CTBP2: variants seen among roughly 807,000 people sequenced by gnomAD.
CTBP2 encodes the protein C-terminal binding protein 2, also known as C-terminal-binding protein 2.
A neutral mutation model predicts 80.3 loss-of-function variants in CTBP2; 30 were observed. The observed-to-expected ratio is 0.37, with a 90% confidence interval of 0.28 to 0.51. The LOEUF (loss-of-function observed/expected upper bound fraction) is 0.51. Ranked by LOEUF, CTBP2 falls within the 20% of genes least tolerant of loss-of-function variation. The probability of loss-of-function intolerance (pLI) is 0.93; values close to 1 mark genes in which losing one functional copy is unlikely to be tolerated. For missense variants in CTBP2, 1,212 were observed against 1,375.3 expected (o/e 0.88, Z 1.88); for synonymous variants, 594 against 587.4 (o/e 1.01, Z -0.16).
intron 1 of CTBP2, among the ~76,000 whole-genome samples, chr10:125,134,494 C>T (rs1281283420): frequency 2.0e-5 from 3 of 152,200 alleles, no homozygotes; most frequent in Non-Finnish European, 4.4e-5. Flanking sequence ...AGTTCTTGTT[C>T]TGAACCCCAG....
In CTBP2 at chr10:124,984,405, C is replaced by T. The variant is rs566938758; in HGVS notation, c.*5113G>A. On this transcript the variant is annotated 3_prime_UTR_variant, in exon 9 of 9. Transcript: ENST00000309035. ...ACATGAAGAAAAAAAGTTCATAGAC[C>T]GTAACTTGTATAATTTCAGCTTGTA... The T allele has an allele frequency of 1.8e-4, 33 of 185,496 alleles. No homozygotes were observed. The highest frequency in any genetic ancestry group is 3.4e-4 in the Non-Finnish European group (31 of 90,604). 11.5% of individuals were successfully genotyped at this position (185,496 alleles called of 1,614,324 possible). A position where few individuals can be genotyped will look rare whatever the true frequency, so the allele number is the denominator to read the frequency against.
At chr10:125,098,672 GA>G (rs1246548108) in intron 2 of CTBP2, among the ~76,000 whole-genome samples, 30 of 110,290 alleles carry the variant, frequency 2.7e-4, no homozygotes, top group African/African-American at 1.0e-3. Flanking sequence ...GAGAGAGAGA[GA>G]GAGAGAGAGA....
intron 6 of CTBP2, 75 bp downstream of exon 8, chr10:124,993,780 C>T (rs1008957805): frequency 1.9e-5 from 29 of 1,523,104 alleles, no homozygotes; most frequent in Middle Eastern, 2.5e-4. Flanking sequence ...AAAAGGGCCT[C>T]GAGTTCAAAG....
chr10:124,990,717 T>C (rs1268697229), intron 8 of CTBP2, among the ~76,000 whole-genome samples: 1 of 152,142 alleles, frequency 6.6e-6, no homozygotes. Context: ...CCTTAAGAGG[T>C]AGAGCCCTTG....
chr10:125,148,703 A>G (rs534365804), intron 1 of CTBP2, among the ~76,000 whole-genome samples: 1 of 152,292 alleles, frequency 6.6e-6, no homozygotes, highest in African/African-American at 2.4e-5. Context: ...TCCTTTGCCC[A>G]CTATTTGGAG....
chr10:125,072,907 A>C (rs900691992), intron 2 of CTBP2, among the ~76,000 whole-genome samples: 1 of 152,170 alleles, frequency 6.6e-6, no homozygotes, highest in African/African-American at 2.4e-5. Flanking sequence ...CAAGGCCCCA[A>C]ATCACTAACA....
intron 2 of CTBP2, among the ~76,000 whole-genome samples, chr10:125,093,700 G>A (rs1425099962): frequency 6.6e-6 from 1 of 152,156 alleles, no homozygotes; most frequent in South Asian, 2.1e-4. Context: ...CAAAGCCCAC[G>A]GCATCTGCCA....
chr10:125,142,507 G>A (rs1043836519), intron 1 of CTBP2, among the ~76,000 whole-genome samples: 1 of 152,198 alleles, frequency 6.6e-6, no homozygotes, highest in African/African-American at 2.4e-5. Context: ...CTCCATAGGA[G>A]CACAGAGAAC....
intron 1 of CTBP2, among the ~76,000 whole-genome samples, chr10:125,141,030 C>G (rs534845451): frequency 6.6e-6 from 1 of 151,166 alleles, no homozygotes; most frequent in Non-Finnish European, 1.5e-5. Context: ...CCCGGCTACT[C>G]GGGAGGCTGA....
At chr10:125,137,518 A>C (rs1202089385) in intron 1 of CTBP2, among the ~76,000 whole-genome samples, 1 of 152,230 alleles carries the variant, frequency 6.6e-6, no homozygotes, top group Non-Finnish European at 1.5e-5. Context: ...GGAGCCAAAA[A>C]CAAAACAAAA....
Position 125,027,633 on chromosome 10 carries a change from A to T in CTBP2, c.127T>A (p.Tyr43Asn). Residue 43 changes from tyrosine to asparagine, a missense_variant, in exon 1 of 9, where the codon TAT (tyrosine) becomes AAT (asparagine). Coordinates refer to ENST00000309035, the MANE Select transcript of CTBP2 (RefSeq NM_022802.3). ...AACCAAGTCCCCTCTGCTGTGCCAT[A>T]CGTCAGGGAGCTTCTCCTCCCCAGA... 1 of 1,613,966 alleles carries T rather than the reference A, an allele frequency of 6.2e-7. No individual in the cohort carries two copies. The highest frequency in any genetic ancestry group is 8.5e-7 in the Non-Finnish European group (1 of 1,180,000).
chr10:125,038,485 C>T (rs569749799), intron 3 of CTBP2, among the ~76,000 whole-genome samples: 1 of 152,198 alleles, frequency 6.6e-6, no homozygotes, highest in Admixed American at 6.5e-5. Context: ...CCCCAGGTTT[C>T]CATTAGATTT....
chr10:124,991,193 T>C (rs1010919644), intron 8 of CTBP2, among the ~76,000 whole-genome samples: 8 of 152,198 alleles, frequency 5.3e-5, no homozygotes, highest in African/African-American at 1.2e-4. Flanking sequence ...ACTCAGTGTA[T>C]TCACACAGAC....
At chr10:125,071,417 T>C (rs1845466558) in intron 2 of CTBP2, among the ~76,000 whole-genome samples, 1 of 152,186 alleles carries the variant, frequency 6.6e-6, no homozygotes, top group Non-Finnish European at 1.5e-5. Context: ...GGCTAACAAA[T>C]TGGTCATTGG....
intron 8 of CTBP2, among the ~76,000 whole-genome samples, chr10:124,991,231 G>A (rs1952568905): frequency 6.6e-6 from 1 of 152,230 alleles, no homozygotes; most frequent in Admixed American, 6.5e-5. Context: ...AGAGGAGGAG[G>A]CATCTCACTA....
intron 2 of CTBP2, among the ~76,000 whole-genome samples, chr10:125,068,942 G>A (rs995797413): frequency 2.6e-5 from 4 of 152,142 alleles, no homozygotes; most frequent in Non-Finnish European, 5.9e-5. Context: ...ATCCTGACAC[G>A]CGACCTTAGA....
At chr10:125,051,772 T>G (rs1417333550) in intron 2 of CTBP2, among the ~76,000 whole-genome samples, 1 of 152,062 alleles carries the variant, frequency 6.6e-6, no homozygotes, top group African/African-American at 2.4e-5. Context: ...CCCCAGGACC[T>G]CAGAATGGAA....
At chr10:125,086,587 C>T (rs923795137) in intron 2 of CTBP2, among the ~76,000 whole-genome samples, 2 of 145,316 alleles carry the variant, frequency 1.4e-5, no homozygotes, top group Admixed American at 7.1e-5. Flanking sequence ...TGCACTCCAG[C>T]CTGGGCAATC....
chr10:125,032,057 A>G (rs1205844192), upstream of CTBP2, among the ~76,000 whole-genome samples: 2 of 152,132 alleles, frequency 1.3e-5, no homozygotes, highest in Non-Finnish European at 2.9e-5. Context: ...TTCAAAAGAA[A>G]AAAAAAAACA....
Sources: allele counts gnomAD v4.1 joint callset (sites outside exome capture counted in the v4.1 genomes callset), GRCh38; gene constraint gnomAD v4.1.1; transcripts MANE v1.5; gene names NCBI Gene and HGNC (gene_info 2026-07-23, HGNC 2026-07-21).